Variants in PRKD1 observed in about 807,000 individuals in gnomAD.
The protein encoded by PRKD1 is serine/threonine-protein kinase D1.
Under a neutral mutation model 95.9 loss-of-function variants are expected in PRKD1, and 63 were observed. That is an observed-to-expected ratio of 0.66 (90% CI 0.54 to 0.81). The LOEUF is 0.81. PRKD1 is among the 30% of genes least tolerant of loss of function. The pLI is 0.00. For synonymous variants in PRKD1, 425 were observed against 423.1 expected (o/e 1.00, Z -0.05); for missense variants, 1,048 against 1,165.3 (o/e 0.90, Z 1.47).
At chr14:29,588,065 G>T (rs1313945381) in intron 16 of PRKD1, among the ~76,000 whole-genome samples, 1 of 152,140 alleles carries the variant, frequency 6.6e-6, no homozygotes, top group Non-Finnish European at 1.5e-5. Context: ...TTAATATTCA[G>T]CAGGCTCGCT....
intron 1 of PRKD1, among the ~76,000 whole-genome samples, chr14:29,836,958 A>G (rs1891633821): frequency 6.6e-6 from 1 of 152,196 alleles, no homozygotes; most frequent in Non-Finnish European, 1.5e-5. Flanking sequence ...AATTCATAAT[A>G]AAATCACAAT....
At chr14:29,783,518 G>C (rs1889139634) in intron 1 of PRKD1, among the ~76,000 whole-genome samples, 1 of 152,054 alleles carries the variant, frequency 6.6e-6, no homozygotes. Context: ...CCCAGTAGTG[G>C]GATTGCTGGA....
chr14:29,899,866 G>C (rs1442206966), intron 1 of PRKD1, among the ~76,000 whole-genome samples: 2 of 152,166 alleles, frequency 1.3e-5, no homozygotes, highest in South Asian at 2.1e-4. Flanking sequence ...TTGGGAGAGG[G>C]ACCTGGTGGG....
rs1895336275 is a variant in PRKD1, at chr14:29,927,244, C to G, written c.264+5G>C. 1.3e-6 allele frequency: 2 copies of G among 1,496,558 alleles called. No individual in the cohort carries two copies. Among genetic ancestry groups the G allele is most frequent in the African/African-American group, 2.9e-5 (2 of 68,764 alleles). 92.7% of individuals were successfully genotyped at this position (1,496,558 alleles called of 1,614,324 possible). ...CGCCGGGCTGGCAGCGGTGCGGCGA[C>G]TTACCTTCTGGTCGACAATGGAGCA... On this transcript the variant is annotated splice_donor_5th_base_variant and intron_variant, in intron 1 of 17. Coordinates refer to ENST00000331968, the MANE Select transcript of PRKD1 (RefSeq NM_002742.3).
intron 1 of PRKD1, among the ~76,000 whole-genome samples, chr14:29,810,510 G>A (rs1890437995): frequency 6.6e-6 from 1 of 152,138 alleles, no homozygotes; most frequent in Non-Finnish European, 1.5e-5. Context: ...CTATCAGCAT[G>A]CTCCTTTTTA....
At chr14:29,838,767 T>C (rs889149270) in intron 1 of PRKD1, among the ~76,000 whole-genome samples, 1 of 152,176 alleles carries the variant, frequency 6.6e-6, no homozygotes, top group Admixed American at 6.5e-5. Context: ...AATTTCAAAA[T>C]TTTTGCACCA....
At position 29,577,421 on chromosome 14, in the gene PRKD1, T is replaced by C. The variant is rs746847525; in HGVS notation, c.2556A>G (p.Glu852=). The C allele has an allele frequency of 4.3e-6, 7 of 1,613,792 alleles. No homozygotes were observed. In the South Asian group the frequency reaches 7.7e-5, roughly 18 times the overall value. ...TGATGTAGCGCTCCCCGATTTTGCA[T>C]TCCAGCTCTCGCAAATCTAACCAGG... The part of the protein sequence containing the change: ...YQTWLDLREL[E]CKIGERYITH... Residue 852 remains glutamate, a synonymous_variant, in exon 18 of 18, where the codon GAA becomes GAG. Coordinates refer to ENST00000331968, the MANE Select transcript of PRKD1 (RefSeq NM_002742.3).
chr14:29,586,640 T>C (rs953237499), intron 16 of PRKD1, among the ~76,000 whole-genome samples: 1 of 148,854 alleles, frequency 6.7e-6, no homozygotes, highest in Non-Finnish European at 1.5e-5. Flanking sequence ...TACTCTCTCC[T>C]TTTTTTGTTT....
chr14:29,791,773 T>C lies in PRKD1; in HGVS notation c.265-66099A>G, dbSNP rs141399861. The stretch of plus-strand genomic sequence containing the variant: ...TAAGTTATTCCAAATAAAGCTATTA[T>C]AGACATTTGTATATAATTCATAGTA... On this transcript the variant is annotated intron_variant, in intron 1 of 17. Coordinates refer to ENST00000331968, the MANE Select transcript of PRKD1 (RefSeq NM_002742.3). Among the ~76,000 whole-genome samples, 246 of 152,286 alleles carry C rather than the reference T, an allele frequency of 1.6e-3. 2 individuals carry two copies. In the Middle Eastern group the frequency reaches 0.02, roughly 13 times the overall value.
At chr14:29,592,842 T>C (rs1594344999) in intron 16 of PRKD1, 1 of 152,202 alleles carries the variant, frequency 6.6e-6, no homozygotes, top group South Asian at 2.1e-4. Flanking sequence ...GTGATCCTGT[T>C]TCCTAGTACT....
chr14:29,828,316 G>A (rs1428488373), intron 1 of PRKD1, among the ~76,000 whole-genome samples: 7 of 152,168 alleles, frequency 4.6e-5, no homozygotes, highest in Admixed American at 4.6e-4. Flanking sequence ...TGGTGAGAGA[G>A]GGAGCAAGAG....
At chr14:29,612,045 T>C (rs763835992) in intron 13 of PRKD1, among the ~76,000 whole-genome samples, 57 of 152,158 alleles carry the variant, frequency 3.7e-4, no homozygotes, top group Non-Finnish European at 8.1e-4. Flanking sequence ...CATGATATGC[T>C]AAATAATGTG....
chr14:29,715,071 C>T (rs1288707930), intron 2 of PRKD1, among the ~76,000 whole-genome samples: 2 of 151,966 alleles, frequency 1.3e-5, no homozygotes, highest in African/African-American at 4.8e-5. Context: ...AACAAACCTG[C>T]ATGTTCTGCA....
At chr14:29,618,869 A>G (rs1879053024) in intron 13 of PRKD1, among the ~76,000 whole-genome samples, 1 of 151,986 alleles carries the variant, frequency 6.6e-6, no homozygotes, top group South Asian at 2.1e-4. Context: ...GCTTTTTCCC[A>G]AGAACAGAAA....
chr14:29,643,871 G>A (rs967632065), intron 4 of PRKD1, among the ~76,000 whole-genome samples: 6 of 152,124 alleles, frequency 3.9e-5, no homozygotes, highest in African/African-American at 7.2e-5. Flanking sequence ...ATTTCTGTGC[G>A]TTAACTAAAA....
At chr14:29,880,840 T>C (rs1018219061) in intron 1 of PRKD1, among the ~76,000 whole-genome samples, 21 of 152,248 alleles carry the variant, frequency 1.4e-4, no homozygotes, top group African/African-American at 4.8e-4. Context: ...TTGACTGCCC[T>C]GCTGGATTTC....
At position 29,737,328 on chromosome 14, in the gene PRKD1, CAAAAAAAAAAAAA is replaced by C. The variant is rs796557046; in HGVS notation, c.265-11667_265-11655del. On this transcript the variant is annotated intron_variant, in intron 1 of 17. Transcript: ENST00000331968. ...TGGGCGACAGAGCGAGACTCCGTCT[CAAAAAAAAAAAAA>C]AAAAAAAAAAAAAAAAAAAAATACT... is the stretch of plus-strand genomic sequence containing the variant. Among the ~76,000 whole-genome samples the C allele has an allele frequency of 4.2e-3, 158 of 37,930 alleles. 1 individual carries two copies. Among genetic ancestry groups the C allele is most frequent in the Middle Eastern group, 0.017 (1 of 58 alleles). 24.9% of individuals were successfully genotyped at this position (37,930 alleles called of 152,430 possible).
At chr14:29,881,437 G>T (rs1306742268) in intron 1 of PRKD1, among the ~76,000 whole-genome samples, 3 of 151,962 alleles carry the variant, frequency 2.0e-5, no homozygotes, top group Non-Finnish European at 4.4e-5. Context: ...TCCCAGTCTC[G>T]GGTATGTCTC....
chr14:29,644,316 G>A (rs1280422627), intron 4 of PRKD1, among the ~76,000 whole-genome samples: 1 of 152,156 alleles, frequency 6.6e-6, no homozygotes. Flanking sequence ...ATGAAAATCT[G>A]TGCAGAACTC....
Sources: allele counts gnomAD v4.1 joint callset (sites outside exome capture counted in the v4.1 genomes callset), GRCh38; gene constraint gnomAD v4.1.1; transcripts MANE v1.5; gene names NCBI Gene and HGNC (gene_info 2026-07-23, HGNC 2026-07-21).